The following AKAP10 variants were observed in gnomAD, a reference collection of about 807,000 sequenced individuals.
The protein encoded by AKAP10 is A-kinase anchor protein 10, mitochondrial.
A neutral mutation model predicts 80.8 loss-of-function variants in AKAP10; 24 were observed. The observed-to-expected ratio is 0.30, with a 90% CI of 0.22 to 0.42. The LOEUF is 0.42. AKAP10 is among the 10% of genes least tolerant of loss of function. The pLI, the probability that AKAP10 is intolerant of heterozygous loss-of-function variation, is 1.00. For missense variants in AKAP10, 661 were observed against 794.9 expected (o/e 0.83, Z 2.03); for synonymous variants, 291 against 277.7 (o/e 1.05, Z -0.48).
Position 19,958,002 on chromosome 17 carries a change from T to C in AKAP10, c.877+12A>G. Reference sequence around the variant, plus strand: ...AGACACATATGTACACACAAGAAAATCACATACTCACTTTTCATTAGTTTT... The same window carrying C: ...AGACACATATGTACACACAAGAAAACCACATACTCACTTTTCATTAGTTTT... On this transcript the variant is annotated intron_variant, in intron 4 of 14. Transcript: ENST00000225737. The C allele has an allele frequency of 6.3e-7, 1 of 1,598,888 alleles. No homozygotes were observed. Among genetic ancestry groups the C allele is most frequent in the African/African-American group, 1.3e-5 (1 of 74,338 alleles).
intron 4 of AKAP10, among the ~76,000 whole-genome samples, chr17:19,951,088 C>T (rs995306897): frequency 4.7e-5 from 6 of 127,290 alleles, no homozygotes; most frequent in African/African-American, 1.5e-4. Context: ...GCCCGGTCTG[C>T]GAAGTGAGGA....
intron 4 of AKAP10, among the ~76,000 whole-genome samples, chr17:19,951,931 C>CAAAA (rs2043220266): frequency 8.3e-6 from 1 of 121,106 alleles, no homozygotes; most frequent in Non-Finnish European, 1.8e-5. Flanking sequence ...AAAAAAAAAG[C>CAAAA]AAAAAAGGGG....
intron 11 of AKAP10, among the ~76,000 whole-genome samples, chr17:19,921,059 G>A (rs1168972456): frequency 2.7e-5 from 4 of 149,614 alleles, no homozygotes; most frequent in Non-Finnish European, 5.9e-5. Flanking sequence ...GTGAAAAAGA[G>A]ATGAACAGTC....
chr17:19,950,850 G>A (rs1013985056), intron 4 of AKAP10, among the ~76,000 whole-genome samples: 5 of 151,012 alleles, frequency 3.3e-5, no homozygotes, highest in Admixed American at 6.6e-5. Context: ...CTGCCATCCC[G>A]TCTAGGAAGT....
intron 4 of AKAP10, among the ~76,000 whole-genome samples, chr17:19,957,787 C>T (rs1466672028): frequency 6.6e-6 from 1 of 152,140 alleles, no homozygotes; most frequent in Non-Finnish European, 1.5e-5. Flanking sequence ...TTTGACCCTT[C>T]ATTTACTAAT....
chr17:19,954,486 A>AC (rs2043250514), intron 4 of AKAP10, among the ~76,000 whole-genome samples: 1 of 135,490 alleles, frequency 7.4e-6, no homozygotes, highest in African/African-American at 3.1e-5. Context: ...AAACCATAAT[A>AC]CTTTTTTTTT....
chr17:19,920,887 C>CAAAAAAAAAAAA (rs2042805303), intron 11 of AKAP10, among the ~76,000 whole-genome samples: 43 of 66,838 alleles, frequency 6.4e-4, no homozygotes, highest in African/African-American at 2.5e-3. Context: ...AAAAAAAAAG[C>CAAAAAAAAAAAA]AAAAAATACA....
Position 19,958,279 on chromosome 17 carries a change from A to T in AKAP10, c.612T>A (p.Asp204Glu), listed in dbSNP as rs2043304950. ...TTASFLTDSL[D>E]KRLEDSGSAQ... is the part of the protein sequence containing the mutation. ...CTGAGCCAGAATCCTCCAATCTCTT[A>T]TCAAGAGAATCAGTTAAAAAAGACG... Residue 204 changes from aspartate to glutamate, a missense_variant, in exon 4 of 15, where the codon GAT becomes GAA. Coordinates refer to ENST00000225737, the MANE Select transcript of AKAP10 (RefSeq NM_007202.4). 1 of 1,614,192 alleles carries T rather than the reference A, an allele frequency of 6.2e-7. No individual in the cohort carries two copies. The highest frequency in any genetic ancestry group is 8.5e-7 in the Non-Finnish European group (1 of 1,180,030).
At chr17:19,942,739 T>C (rs1350920785) in intron 5 of AKAP10, among the ~76,000 whole-genome samples, 1 of 152,182 alleles carries the variant, frequency 6.6e-6, no homozygotes, top group African/African-American at 2.4e-5. Flanking sequence ...GGAAAAACCA[T>C]ATAACATGAT....
At chr17:19,916,714 G>C (rs186399112) in intron 12 of AKAP10, among the ~76,000 whole-genome samples, 2 of 151,266 alleles carry the variant, frequency 1.3e-5, no homozygotes, top group South Asian at 4.2e-4. Context: ...GAGGTGGGCG[G>C]ATCACGACAT....
At position 19,906,242 on chromosome 17, in the gene AKAP10, GA is replaced by G. The variant is rs1567748132; in HGVS notation, c.1984-11del. The G allele has an allele frequency of 6.3e-7, 1 of 1,599,958 alleles. No individual in the cohort carries two copies. The highest frequency in any genetic ancestry group is 2.2e-5 in the East Asian group (1 of 44,772). ...AAGTTTTGAGTCATAACTGAAAAAAGAAAAGAAAAGAAAATGGTAAGGTGCA... is the reference window on the plus strand; with the variant it reads ...AAGTTTTGAGTCATAACTGAAAAAAGAAAGAAAAGAAAATGGTAAGGTGCA... On this transcript the variant is annotated splice_polypyrimidine_tract_variant and intron_variant, in intron 14 of 14. Coordinates refer to ENST00000225737, the MANE Select transcript of AKAP10 (RefSeq NM_007202.4).
At chr17:19,920,014 G>A (rs1308860711) in intron 12 of AKAP10, 22 bp downstream of exon 12, 1 of 1,586,034 alleles carries the variant, frequency 6.3e-7, no homozygotes, top group South Asian at 1.1e-5. Context: ...GGCTTAATAT[G>A]AAGTATAAAA....
intron 12 of AKAP10, among the ~76,000 whole-genome samples, chr17:19,917,224 C>T (rs975851802): frequency 1.3e-5 from 2 of 151,452 alleles, no homozygotes; most frequent in Non-Finnish European, 1.5e-5. Context: ...AAGATCGCGC[C>T]ACAGCACTCC....
chr17:19,953,965 G>C (rs977520903), intron 4 of AKAP10, among the ~76,000 whole-genome samples: 1 of 152,056 alleles, frequency 6.6e-6, no homozygotes, highest in African/African-American at 2.4e-5. Flanking sequence ...CTGGGAGGCA[G>C]AGGTTGCAGT....
chr17:19,916,051 C>T (rs1015190756), intron 12 of AKAP10, among the ~76,000 whole-genome samples: 1 of 152,178 alleles, frequency 6.6e-6, no homozygotes, highest in African/African-American at 2.4e-5. Context: ...CTTGCTGTTC[C>T]TTGATCATGC....
intron 12 of AKAP10, among the ~76,000 whole-genome samples, chr17:19,917,651 C>A (rs1408719608): frequency 6.6e-6 from 1 of 152,120 alleles, no homozygotes; most frequent in Non-Finnish European, 1.5e-5. Context: ...CAATATTGTT[C>A]TTTTACCCAA....
At chr17:19,926,472 GAA>G (rs933405073) in intron 10 of AKAP10, among the ~76,000 whole-genome samples, 1 of 151,538 alleles carries the variant, frequency 6.6e-6, no homozygotes, top group Non-Finnish European at 1.5e-5. Context: ...GTTCTAGCCA[GAA>G]AAAAAACTAT....
At chr17:19,926,548 T>C (rs1187474750) in intron 10 of AKAP10, among the ~76,000 whole-genome samples, 1 of 152,184 alleles carries the variant, frequency 6.6e-6, no homozygotes, top group Admixed American at 6.5e-5. Context: ...AGAAAACTAT[T>C]AGAGCTAACA....
In AKAP10 at chr17:19,940,947, A is replaced by G. The variant is rs560552429; in HGVS notation, c.1125T>C (p.Ser375=). Reference sequence around the variant, plus strand: ...GAATGTCAGCCAGGTAAACAGTTCCACTGGTCAGCACTTCAATCTGGTATT... The same window carrying G: ...GAATGTCAGCCAGGTAAACAGTTCCGCTGGTCAGCACTTCAATCTGGTATT... The part of the protein sequence containing the change: ...FCKYQIEVLT[S]GTVYLADILF... Residue 375 remains serine, a synonymous_variant, in exon 7 of 15, where the codon AGT becomes AGC. Transcript: ENST00000225737. 5 of 1,612,054 alleles carry G rather than the reference A, an allele frequency of 3.1e-6. No individual in the cohort carries two copies. The South Asian group carries it at 4.4e-5, about 14-fold the overall frequency.
Sources: allele counts gnomAD v4.1 joint callset (sites outside exome capture counted in the v4.1 genomes callset), GRCh38; gene constraint gnomAD v4.1.1; transcripts MANE v1.5; gene names NCBI Gene and HGNC (gene_info 2026-07-23, HGNC 2026-07-21).